MAML1: variants seen among roughly 807,000 people sequenced by gnomAD.
MAML1 encodes mastermind-like protein 1.
MAML1 carries 14 observed loss-of-function variants against 77.1 expected under a neutral mutation model. The observed-to-expected ratio is 0.18, with a 90% confidence interval of 0.12 to 0.28. MAML1 has a LOEUF of 0.28. Ranked by LOEUF, MAML1 falls within the 10% of genes least tolerant of loss-of-function variation. The probability of loss-of-function intolerance (pLI) is 1.00; values close to 1 mark genes in which losing one functional copy is unlikely to be tolerated. For missense variants in MAML1, 1,217 were observed against 1,327.8 expected (o/e 0.92, Z 1.30); for synonymous variants, 516 against 551.9 (o/e 0.93, Z 0.91).
At chr5:179,758,050 C>T (rs1166348917) in intron 1 of MAML1, among the ~76,000 whole-genome samples, 1 of 152,188 alleles carries the variant, frequency 6.6e-6, no homozygotes, top group African/African-American at 2.4e-5. Flanking sequence ...GTGAAGGGTG[C>T]ACAGGACCTC....
intron 2 of MAML1, among the ~76,000 whole-genome samples, chr5:179,767,745 C>T (rs1194195862): frequency 3.3e-5 from 5 of 152,220 alleles, no homozygotes; most frequent in African/African-American, 7.2e-5. Flanking sequence ...ACTTACGAAG[C>T]ACTCTCAGTA....
intron 1 of MAML1, among the ~76,000 whole-genome samples, chr5:179,750,747 G>A (rs1484642821): frequency 2.0e-5 from 3 of 151,944 alleles, no homozygotes; most frequent in Admixed American, 1.3e-4. Flanking sequence ...CAGGCCTGAC[G>A]GCTCTCAGTA....
intron 1 of MAML1, among the ~76,000 whole-genome samples, chr5:179,737,816 C>T (rs992339455): frequency 6.6e-6 from 1 of 152,176 alleles, no homozygotes; most frequent in Non-Finnish European, 1.5e-5. Context: ...CATTTCTTTT[C>T]CTTTTTTCTT....
chr5:179,744,294 T>G (rs1354375817), intron 1 of MAML1, among the ~76,000 whole-genome samples: 1 of 152,018 alleles, frequency 6.6e-6, no homozygotes, highest in Non-Finnish European at 1.5e-5. Context: ...TAAGCAGTTC[T>G]CCTGCCTCAG....
At chr5:179,758,393 C>CTTTTT (rs1562564352) in intron 1 of MAML1, among the ~76,000 whole-genome samples, 3 of 147,292 alleles carry the variant, frequency 2.0e-5, no homozygotes. Flanking sequence ...TTTTCTTTTT[C>CTTTTT]TTTTCTTTTT....
intron 1 of MAML1, among the ~76,000 whole-genome samples, chr5:179,752,420 A>G (rs1779512866): frequency 6.8e-6 from 1 of 146,950 alleles, no homozygotes; most frequent in Non-Finnish European, 1.5e-5. Flanking sequence ...AATACTGATT[A>G]TATGTTAAAA....
At chr5:179,736,956 G>A (rs1446109113) in intron 1 of MAML1, among the ~76,000 whole-genome samples, 2 of 140,298 alleles carry the variant, frequency 1.4e-5, no homozygotes, top group Non-Finnish European at 3.1e-5. Context: ...GGGAGACTCC[G>A]TCTCAAATTA....
chr5:179,771,944 C>T lies in MAML1; in HGVS notation c.2068+701C>T, dbSNP rs928678093. On this transcript the variant is annotated intron_variant, in intron 4 of 4. Transcript: ENST00000292599. This position sits in a 1 kb window ranked among gnomAD's most constrained non-coding sequence, Gnocchi z 4.7. ...CCACAGCTGTGTGTCCTGGAGGAGA[C>T]CAGGTACGGTTTTATGTATGTGCTA... Among the ~76,000 whole-genome samples the T allele has an allele frequency of 2.6e-5, 4 of 152,154 alleles. No homozygotes were observed. The highest frequency in any genetic ancestry group is 9.7e-5 in the African/African-American group (4 of 41,428).
chr5:179,748,790 T>C (rs1381630543), intron 1 of MAML1, among the ~76,000 whole-genome samples: 1 of 152,126 alleles, frequency 6.6e-6, no homozygotes, highest in African/African-American at 2.4e-5. Context: ...AGGTCACATA[T>C]CAAGAATCAG....
Position 179,774,456 on chromosome 5 carries a change from C to G in MAML1, c.2630C>G (p.Ser877Cys). The stretch of plus-strand genomic sequence containing the variant: ...CAGCAGCAGGCCCACCTGAAAATGT[C>G]TAGCCCGCAATTCTCCCAGGCAGTG... ...HMQQQAHLKM[S>C]SPQFSQAVPN... Residue 877 changes from serine (S) to cysteine (C), a missense_variant, in exon 5 of 5, where the codon TCT becomes TGT. Coordinates refer to ENST00000292599, the MANE Select transcript of MAML1 (RefSeq NM_014757.5). The G allele has an allele frequency of 6.2e-7, 1 of 1,613,314 alleles. No individual in the cohort carries two copies. Among genetic ancestry groups the G allele is most frequent in the Non-Finnish European group, 8.5e-7 (1 of 1,180,032 alleles).
intron 1 of MAML1, among the ~76,000 whole-genome samples, chr5:179,739,451 C>T (rs1734039429): frequency 6.6e-6 from 1 of 152,074 alleles, no homozygotes; most frequent in Non-Finnish European, 1.5e-5. Flanking sequence ...CCTGTAATTC[C>T]AGCACTTCAG....
intron 1 of MAML1, among the ~76,000 whole-genome samples, chr5:179,737,392 G>A (rs1029491132): frequency 5.9e-5 from 9 of 152,154 alleles, no homozygotes; most frequent in African/African-American, 1.7e-4. Context: ...TTCAATTCAG[G>A]GGGGAAGAGA....
intron 1 of MAML1, among the ~76,000 whole-genome samples, chr5:179,763,131 G>C (rs756993309): frequency 1.4e-4 from 21 of 152,186 alleles, no homozygotes; most frequent in Non-Finnish European, 2.6e-4. Flanking sequence ...CAGGTTTACA[G>C]ATAGCCCAGA....
intron 1 of MAML1, among the ~76,000 whole-genome samples, chr5:179,750,040 G>A (rs1779455971): frequency 6.6e-6 from 1 of 152,314 alleles, no homozygotes. Context: ...AGATTGATGC[G>A]CTCACCTCCT....
In MAML1 at chr5:179,766,189, G is replaced by T; in HGVS notation, c.1179G>T (p.Leu393=). Residue 393 remains leucine (L), a synonymous_variant, in exon 2 of 5, where the codon CTG becomes CTT. Transcript: ENST00000292599. The surrounding 1 kb of genome is among the most constrained non-coding windows in gnomAD (Gnocchi z 4.0). ...AGGGCCCAGGAGGGGCCTCAGAGCT[G>T]TCCTCTGCCCACCAGCTCCAGCAGA... ...PSQGPGGASE[L]SSAHQLQQIA... 6.2e-7 allele frequency: 1 copy of T among 1,607,168 alleles called. No homozygotes were observed. Among genetic ancestry groups the T allele is most frequent in the African/African-American group, 1.3e-5 (1 of 74,830 alleles).
At position 179,769,103 on chromosome 5, in the gene MAML1, T is replaced by A; in HGVS notation, c.1971+14T>A. On this transcript the variant is annotated intron_variant, in intron 3 of 4. Coordinates refer to ENST00000292599, the MANE Select transcript of MAML1 (RefSeq NM_014757.5). This position sits in a 1 kb window ranked among gnomAD's most constrained non-coding sequence, Gnocchi z 4.2. ...CTCGCGGAACAGGTAAAAAGAAAAG[T>A]GGAAGGAAACCACCGCTTCCCACCT... is the stretch of plus-strand genomic sequence containing the variant. 6.2e-7 allele frequency: 1 copy of A among 1,613,142 alleles called. No homozygotes were observed. Among genetic ancestry groups the A allele is most frequent in the South Asian group, 1.1e-5 (1 of 91,082 alleles).
At chr5:179,753,248 T>C (rs1779540164) in intron 1 of MAML1, among the ~76,000 whole-genome samples, 1 of 150,994 alleles carries the variant, frequency 6.6e-6, no homozygotes, top group South Asian at 2.1e-4. Flanking sequence ...CGTGCTGGGG[T>C]GAAGGAGTCC....
At chr5:179,739,884 C>T (rs932175390) in intron 1 of MAML1, among the ~76,000 whole-genome samples, 2 of 152,096 alleles carry the variant, frequency 1.3e-5, no homozygotes, top group African/African-American at 4.8e-5. Flanking sequence ...GTCTTAGAAC[C>T]AATTCCCCAT....
Position 179,774,981 on chromosome 5 carries a change from G to A in MAML1, c.*104G>A, listed in dbSNP as rs1756102987. 6.7e-7 allele frequency: 1 copy of A among 1,496,854 alleles called. No homozygotes were observed. The highest frequency in any genetic ancestry group is 8.8e-7 in the Non-Finnish European group (1 of 1,131,750). The allele number at this position is 1,496,854 out of a possible 1,614,324, so 92.7% of individuals were successfully genotyped here. The stretch of plus-strand genomic sequence containing the variant: ...GGACCAAAAGCCCATGGCCTGGGGA[G>A]CTGGGCAGGTAGAGCCCAAGCTCCA... On this transcript the variant is annotated 3_prime_UTR_variant, in exon 5 of 5. Coordinates refer to ENST00000292599, the MANE Select transcript of MAML1 (RefSeq NM_014757.5).
Sources: gnomAD v4.1 joint callset for allele counts (sites outside exome capture counted in the v4.1 genomes callset) on GRCh38, gnomAD v4.1.1 for gene constraint, Gnocchi (gnomAD v3.1) non-coding constraint, MANE v1.5 for transcripts, NCBI Gene and HGNC (gene_info 2026-07-23, HGNC 2026-07-21) for gene names.